Variants in UCMA observed in about 807,000 individuals in gnomAD.
The protein encoded by UCMA is upper zone of growth plate and cartilage matrix-associated protein.
In UCMA, 21 loss-of-function variants were observed where a neutral mutation model predicts 21.8. The ratio of observed to expected loss-of-function variants is 0.97; its 90% CI spans 0.68 to 1.39. The LOEUF is 1.39. Among genes scored for constraint, UCMA ranks in the 40% most tolerant of loss-of-function variants. The pLI, the probability that UCMA is intolerant of heterozygous loss-of-function variation, is 0.00. For missense variants in UCMA, 193 were observed against 178.9 expected (o/e 1.08, Z -0.45); for synonymous variants, 76 against 67.9 (o/e 1.12, Z -0.58).
At chr10:13,233,056 C>T (rs1535855) in intron 3 of UCMA, among the ~76,000 whole-genome samples, 2,166 of 152,314 alleles carry the variant, frequency 0.014, 59 homozygotes, top group African/African-American at 0.049. Context: ...CAGCTGTCCC[C>T]AGACCCACAT....
rs953120031 is a variant in UCMA, at chr10:13,221,893, T to G, written c.*210A>C. 3.5e-6 allele frequency: 2 copies of G among 579,016 alleles called. No homozygotes were observed. The highest frequency in any genetic ancestry group is 6.1e-6 in the Non-Finnish European group (2 of 326,006). The allele number at this position is 579,016 out of a possible 1,614,324, so 35.9% of individuals were successfully genotyped here. A position where few individuals can be genotyped will look rare whatever the true frequency, so the allele number is the denominator to read the frequency against. Reference sequence around the variant, plus strand: ...ACTAGGAGGCCCTGCAGGCAGTTGCTCACCTCAGAAGATGGTCTGCAAAGA... The same window carrying G: ...ACTAGGAGGCCCTGCAGGCAGTTGCGCACCTCAGAAGATGGTCTGCAAAGA... On this transcript the variant is annotated 3_prime_UTR_variant, in exon 5 of 5. Transcript: ENST00000378681.
chr10:13,233,709 G>T, intron 2 of UCMA, 26 bp downstream of exon 2: 1 of 1,614,032 alleles, frequency 6.2e-7, no homozygotes, highest in Non-Finnish European at 8.5e-7. Context: ...CACCTGCCCT[G>T]CCCCGTGGGT....
chr10:13,230,834 A>G (rs1588491054), intron 3 of UCMA, among the ~76,000 whole-genome samples: 1 of 152,190 alleles, frequency 6.6e-6, no homozygotes, highest in Non-Finnish European at 1.5e-5. Context: ...AGGCGGGCGG[A>G]TCACTTGAGG....
intron 4 of UCMA, among the ~76,000 whole-genome samples, chr10:13,223,253 A>G (rs1288019687): frequency 6.6e-6 from 1 of 151,872 alleles, no homozygotes; most frequent in Admixed American, 6.6e-5. Context: ...AAAAGAAAGA[A>G]AAAAAGAAAA....
chr10:13,226,645 A>G (rs1834826953), intron 4 of UCMA, among the ~76,000 whole-genome samples: 1 of 152,144 alleles, frequency 6.6e-6, no homozygotes, highest in Non-Finnish European at 1.5e-5. Flanking sequence ...TTTTTGAAAC[A>G]TGAGCTGGAA....
Position 13,234,317 on chromosome 10 carries a change from C to T in UCMA, c.-59G>A. ...CAAGGCAGACCAGGCGTCCTGCACC[C>T]TTTGGGTCCCCACTTCTGAGGCAGG... On this transcript the variant is annotated 5_prime_UTR_variant, in exon 1 of 5. Coordinates refer to ENST00000378681, the MANE Select transcript of UCMA (RefSeq NM_145314.3). The T allele has an allele frequency of 1.9e-6, 3 of 1,577,830 alleles. No individual in the cohort carries two copies. The Admixed American group carries it at 5.4e-5, about 28-fold the overall frequency.
At chr10:13,226,141 G>A (rs1038329749) in intron 4 of UCMA, among the ~76,000 whole-genome samples, 9 of 151,888 alleles carry the variant, frequency 5.9e-5, no homozygotes, top group South Asian at 4.2e-4. Context: ...TACTAGCCTC[G>A]TCTCCTTGAG....
chr10:13,230,650 G>T (rs773930184), intron 3 of UCMA, among the ~76,000 whole-genome samples: 1 of 152,190 alleles, frequency 6.6e-6, no homozygotes, highest in African/African-American at 2.4e-5. Flanking sequence ...AGGAGGCTGG[G>T]GGGTGCTGAA....
intron 1 of UCMA, 96 bp downstream of exon 1, chr10:13,234,105 C>T (rs1335845764): frequency 1.5e-5 from 19 of 1,230,588 alleles, no homozygotes; most frequent in Non-Finnish European, 2.1e-5. Context: ...AAGCATACTC[C>T]TTTCTACCTG....
At position 13,222,126 on chromosome 10, in the gene UCMA, G is replaced by C; in HGVS notation, c.394C>G (p.Leu132Val). ...WHYDGLHPSY[L>V]YNRHHT is the part of the protein sequence containing the mutation. ...GATCAGGTGTGGTGGCGGTTGTAGA[G>C]ATAGGATGGGTGCAGGCCGTCATAG... Residue 132 changes from leucine to valine, a missense_variant, in exon 5 of 5, where the codon CTC becomes GTC. By Grantham distance (32) the Leu-to-Val change is conservative. Transcript: ENST00000378681. The C allele has an allele frequency of 6.2e-7, 1 of 1,614,208 alleles. No individual in the cohort carries two copies. The highest frequency in any genetic ancestry group is 1.3e-5 in the African/African-American group (1 of 75,070).
At position 13,233,808 on chromosome 10, in the gene UCMA, A is replaced by T; in HGVS notation, c.59-8T>A. 6.2e-7 allele frequency: 1 copy of T among 1,613,674 alleles called. No homozygotes were observed. The highest frequency in any genetic ancestry group is 1.3e-5 in the African/African-American group (1 of 74,902). On this transcript the variant is annotated splice_region_variant and splice_polypyrimidine_tract_variant and intron_variant, in intron 1 of 4. Coordinates refer to ENST00000378681, the MANE Select transcript of UCMA (RefSeq NM_145314.3). ...TGGTTCCCTCTCTCAGCACTGCAGG[A>T]CAAGGGCACAGAGTGAGGCTGCAGC...
Position 13,233,735 on chromosome 10 carries a change from C to G in UCMA, c.124G>C (p.Asp42His). 6.2e-7 allele frequency: 1 copy of G among 1,614,064 alleles called. No individual in the cohort carries two copies. Among genetic ancestry groups the G allele is most frequent in the Non-Finnish European group, 8.5e-7 (1 of 1,180,028 alleles). ...MQMAGEEASE[D>H]AKQKIFMQES... ...CCCCGTGGGTGGCCCCTGCACTCAC[C>G]TTCACTCGCCTCTTCTCCCGCCATC... The change falls in exon 2 of 5, where the codon GAT becomes CAT. Residue 42 changes from aspartate (D) to histidine (H), a missense_variant and splice_region_variant. Physicochemically the swap from Asp to His is moderately conservative, Grantham distance 81 (BLOSUM62 -1). Coordinates refer to ENST00000378681, the MANE Select transcript of UCMA (RefSeq NM_145314.3).
intron 2 of UCMA, 22 bp downstream of exon 2, chr10:13,233,713 C>A: frequency 1.9e-6 from 3 of 1,614,018 alleles, no homozygotes; most frequent in South Asian, 1.1e-5. Flanking sequence ...TGCCCTGCCC[C>A]GTGGGTGGCC....
intron 2 of UCMA, 25 bp downstream of exon 2, chr10:13,233,710 C>A (rs1834931404): frequency 6.2e-7 from 1 of 1,613,952 alleles, no homozygotes; most frequent in Middle Eastern, 1.7e-4. Flanking sequence ...ACCTGCCCTG[C>A]CCCGTGGGTG....
At chr10:13,223,696 TG>T (rs1266435847) in intron 4 of UCMA, among the ~76,000 whole-genome samples, 1 of 152,008 alleles carries the variant, frequency 6.6e-6, no homozygotes, top group Non-Finnish European at 1.5e-5. Flanking sequence ...GGATTACAGG[TG>T]CATGCCACCA....
intron 4 of UCMA, 64 bp from the exon 5 acceptor site, chr10:13,222,264 C>G: frequency 6.7e-7 from 1 of 1,492,596 alleles, no homozygotes; most frequent in Non-Finnish European, 9.2e-7. Flanking sequence ...CTGAGCCCAG[C>G]AGCCATCAGC....
intron 3 of UCMA, among the ~76,000 whole-genome samples, chr10:13,230,273 A>G (rs4750322): frequency 0.44 from 66,583 of 151,834 alleles, 15,236 homozygotes; most frequent in Non-Finnish European, 0.5. Context: ...GTACTGCTGC[A>G]CTCCACCTTA....
intron 4 of UCMA, among the ~76,000 whole-genome samples, chr10:13,225,781 T>A (rs966370578): frequency 1.3e-5 from 2 of 150,928 alleles, no homozygotes; most frequent in African/African-American, 4.9e-5. Flanking sequence ...GGCTTGGAAG[T>A]CAGACGCCTT....
intron 4 of UCMA, among the ~76,000 whole-genome samples, chr10:13,225,362 G>A (rs1386876470): frequency 2.8e-5 from 4 of 145,190 alleles, no homozygotes; most frequent in African/African-American, 1.0e-4. Context: ...ATATCCAACT[G>A]CTATCAGTAA....
Sources: allele counts gnomAD v4.1 joint callset (sites outside exome capture counted in the v4.1 genomes callset), GRCh38; gene constraint gnomAD v4.1.1; transcripts MANE v1.5; gene names NCBI Gene and HGNC (gene_info 2026-07-23, HGNC 2026-07-21).